The following C10orf67 variants were observed in gnomAD, a reference collection of about 807,000 sequenced individuals.
C10orf67 encodes uncharacterized protein C10orf67, mitochondrial.
In C10orf67, 60 loss-of-function variants were observed where a neutral mutation model predicts 35.6. That is an observed-to-expected ratio of 1.68 (90% confidence interval 1.37 to 2.09). The LOEUF (loss-of-function observed/expected upper bound fraction) is 2.09. Among genes scored for constraint, C10orf67 ranks in the 30% most tolerant of loss-of-function variants. The pLI is 0.00. For synonymous variants in C10orf67, 167 were observed against 115.8 expected, an observed-to-expected ratio of 1.44 and a Z score of -2.84; for missense variants, 474 against 330.2, an observed-to-expected ratio of 1.44 and a Z score of -3.38.
At chr10:23,313,647 G>A (rs1311425275) in intron 4 of C10orf67, among the ~76,000 whole-genome samples, 2 of 152,210 alleles carry the variant, frequency 1.3e-5, no homozygotes, top group African/African-American at 4.8e-5. Context: ...AGAGCAAGAA[G>A]GGACATTATG....
At chr10:23,320,037 AC>A (rs957362802) in intron 4 of C10orf67, among the ~76,000 whole-genome samples, 20 of 152,334 alleles carry the variant, frequency 1.3e-4, no homozygotes, top group African/African-American at 4.6e-4. Context: ...CGTACCAGTC[AC>A]AGCGCTAAAG....
intron 12 of C10orf67, among the ~76,000 whole-genome samples, chr10:23,246,820 GA>G: frequency 6.6e-6 from 1 of 152,070 alleles, no homozygotes; most frequent in Non-Finnish European, 1.5e-5. Flanking sequence ...GAATATAAAG[GA>G]AAAAATTATA....
rs12261352 is a variant in C10orf67, at chr10:23,337,325, G to A, written c.207-4143C>T. Among the ~76,000 whole-genome samples the A allele has an allele frequency of 5.3e-3, 807 of 152,308 alleles. 8 individuals are homozygous for A. The highest frequency in any genetic ancestry group is 0.018 in the African/African-American group (769 of 41,580). ...GAGGTGGGTGGGTCACTTGAGCTTA[G>A]GAGTTCGAGACCAGCCTGGCCAACA... On this transcript the variant is annotated intron_variant, in intron 1 of 15. Coordinates refer to ENST00000636213, the MANE Select transcript of C10orf67 (RefSeq NM_001371909.1).
At chr10:23,344,374 CG>C in intron 1 of C10orf67, 194 bp downstream of exon 1, 1 of 606,906 alleles carries the variant, frequency 1.6e-6, no homozygotes, top group Admixed American at 2.9e-5. Flanking sequence ...GGAGGCGGGG[CG>C]GGCTCCCAAG....
intron 2 of C10orf67, among the ~76,000 whole-genome samples, chr10:23,323,156 C>T (rs1202453783): frequency 6.6e-6 from 1 of 152,178 alleles, no homozygotes; most frequent in African/African-American, 2.4e-5. Context: ...TTGGCCTTGT[C>T]ATACCTCAAA....
chr10:23,248,426 C>G (rs1425009656), intron 12 of C10orf67, among the ~76,000 whole-genome samples: 1 of 152,132 alleles, frequency 6.6e-6, no homozygotes, highest in Non-Finnish European at 1.5e-5. Context: ...ATTCAATCTT[C>G]CTGGAAATAA....
At chr10:23,261,762 A>G (rs949386130) in intron 10 of C10orf67, among the ~76,000 whole-genome samples, 1 of 152,226 alleles carries the variant, frequency 6.6e-6, no homozygotes, top group Non-Finnish European at 1.5e-5. Context: ...TTGTTCAGAT[A>G]TGCAAATGGG....
At chr10:23,252,751 T>C (rs1208316197) in intron 10 of C10orf67, among the ~76,000 whole-genome samples, 1 of 152,234 alleles carries the variant, frequency 6.6e-6, no homozygotes, top group Admixed American at 6.5e-5. Context: ...TTGTTTTGTT[T>C]GTTTTTGATG....
intron 12 of C10orf67, among the ~76,000 whole-genome samples, chr10:23,246,679 G>T (rs1564470132): frequency 6.6e-6 from 1 of 152,136 alleles, no homozygotes; most frequent in Non-Finnish European, 1.5e-5. Context: ...TCACTGCCTA[G>T]TAACGTCTTG....
chr10:23,289,758 T>C, intron 7 of C10orf67, 142 bp downstream of exon 7: 1 of 572,166 alleles, frequency 1.7e-6, no homozygotes, highest in Non-Finnish European at 3.1e-6. Context: ...CTAGTCACCC[T>C]TCCCAAATAG....
At chr10:23,256,879 T>C (rs1182789804) in intron 10 of C10orf67, among the ~76,000 whole-genome samples, 1 of 152,140 alleles carries the variant, frequency 6.6e-6, no homozygotes, top group African/African-American at 2.4e-5. Context: ...GCAAACTGTC[T>C]GGCCAACCAG....
intron 13 of C10orf67, among the ~76,000 whole-genome samples, chr10:23,227,740 T>A (rs1474568820): frequency 6.6e-6 from 1 of 152,148 alleles, no homozygotes; most frequent in Non-Finnish European, 1.5e-5. Context: ...TTCAGCAACG[T>A]CTCAGGATAC....
At chr10:23,302,404 A>T (rs1844110437) in intron 5 of C10orf67, among the ~76,000 whole-genome samples, 1 of 152,130 alleles carries the variant, frequency 6.6e-6, no homozygotes, top group South Asian at 2.1e-4. Context: ...ACGTTTGCCC[A>T]TGAGGAAGTT....
chr10:23,283,907 C>T (rs1490155147), intron 7 of C10orf67, among the ~76,000 whole-genome samples: 1 of 152,140 alleles, frequency 6.6e-6, no homozygotes, highest in African/African-American at 2.4e-5. Context: ...GTCTGCCTCC[C>T]TCCCAGAATG....
intron 4 of C10orf67, among the ~76,000 whole-genome samples, chr10:23,307,834 G>C (rs544467369): frequency 2.8e-4 from 42 of 152,110 alleles, no homozygotes; most frequent in African/African-American, 9.9e-4. Context: ...GCCCAGGCTG[G>C]TCTCAAACTC....
At chr10:23,303,619 A>G (rs1844171975) in intron 4 of C10orf67, among the ~76,000 whole-genome samples, 160 bp from the exon 5 acceptor site, 1 of 152,254 alleles carries the variant, frequency 6.6e-6, no homozygotes, top group African/African-American at 2.4e-5. Flanking sequence ...TAACCTGCAT[A>G]CAATTTTAGT....
chr10:23,258,929 AG>A (rs1464842638), intron 10 of C10orf67, among the ~76,000 whole-genome samples: 1 of 152,240 alleles, frequency 6.6e-6, no homozygotes, highest in Non-Finnish European at 1.5e-5. Context: ...TTCTTCTTGT[AG>A]CAAATGAAAG....
intron 7 of C10orf67, among the ~76,000 whole-genome samples, chr10:23,286,672 G>A (rs1190588846): frequency 6.6e-6 from 1 of 151,518 alleles, no homozygotes; most frequent in African/African-American, 2.4e-5. Flanking sequence ...AGGAAAGGAG[G>A]GAGGAATGGA....
Position 23,257,372 on chromosome 10 carries a change from T to C in C10orf67, c.1201-6681A>G, listed in dbSNP as rs544778347. On this transcript the variant is annotated intron_variant, in intron 10 of 15. Transcript: ENST00000636213. ...GCAATAGCAGTGCACTACTGAGGCA[T>C]GGATAAGAGCATAGAGGCAGATCTT... Among the ~76,000 whole-genome samples the C allele has an allele frequency of 7.8e-4, 118 of 152,254 alleles. 1 individual carries two copies. The highest frequency in any genetic ancestry group is 2.5e-3 in the African/African-American group (102 of 41,570).
Sources: allele counts gnomAD v4.1 joint callset (sites outside exome capture counted in the v4.1 genomes callset), GRCh38; gene constraint gnomAD v4.1.1; transcripts MANE v1.5; gene names NCBI Gene and HGNC (gene_info 2026-07-23, HGNC 2026-07-21).